The following SYNE2 variants were observed in gnomAD, a reference collection of about 807,000 sequenced individuals.
SYNE2 encodes nesprin-2.
Under a neutral mutation model 856.3 loss-of-function variants are expected in SYNE2, and 431 were observed. The observed-to-expected ratio is 0.50, with a 90% confidence interval of 0.47 to 0.55. SYNE2 has a LOEUF of 0.55. Among genes scored for constraint, SYNE2 ranks in the 20% least tolerant of loss-of-function variants. The probability of loss-of-function intolerance (pLI) is 0.00; values close to 1 mark genes in which losing one functional copy is unlikely to be tolerated. For missense variants in SYNE2, 8,129 were observed against 8,023.2 expected, an observed-to-expected ratio of 1.01 and a Z score of -0.50; for synonymous variants, 2,923 against 2,872.3, an observed-to-expected ratio of 1.02 and a Z score of -0.56.
intron 84 of SYNE2, among the ~76,000 whole-genome samples, chr14:64,149,562 A>G (rs908824098): frequency 1.3e-5 from 2 of 152,216 alleles, no homozygotes; most frequent in African/African-American, 4.8e-5. Context: ...GTATAGTTGA[A>G]TAGAGTGGGG....
chr14:64,138,463 G>A (rs1279077671), intron 79 of SYNE2, among the ~76,000 whole-genome samples: 1 of 152,030 alleles, frequency 6.6e-6, no homozygotes, highest in Non-Finnish European at 1.5e-5. Flanking sequence ...CAAGCTCCTA[G>A]CCTCAAGCAG....
chr14:63,936,299 A>G lies in SYNE2; in HGVS notation c.80-4315A>G, dbSNP rs113536139. ...GTGTTGTGGTGCGTAAATTCTGTTG[A>G]GAGGAGAGTGAGACATTAACAATAA... is the stretch of plus-strand genomic sequence containing the variant. On this transcript the variant is annotated intron_variant, in intron 2 of 115. Transcript: ENST00000555002. Among the ~76,000 whole-genome samples, 12 of 152,306 alleles carry G rather than the reference A, an allele frequency of 7.9e-5. 1 individual carries two copies. The highest frequency in any genetic ancestry group is 2.4e-4 in the African/African-American group (10 of 41,572).
chr14:64,051,982 T>A lies in SYNE2; in HGVS notation c.8069T>A (p.Met2690Lys). 6.2e-7 allele frequency: 1 copy of A among 1,613,980 alleles called. No homozygotes were observed. Among genetic ancestry groups the A allele is most frequent in the Non-Finnish European group, 8.5e-7 (1 of 1,180,040 alleles). Residue 2690 changes from methionine (M) to lysine (K), a missense_variant, in exon 48 of 116, where the codon ATG (methionine) becomes AAG (lysine). Around this residue, in one of 3 missense-constraint regions of SYNE2, gnomAD observed 5,410 missense variants for 5,284.8 expected, o/e 1.02. Coordinates refer to ENST00000555002, the MANE Select transcript of SYNE2 (RefSeq NM_182914.3). The part of the protein sequence containing the change: ...SVLKGQAELQ[M>K]KRIWGEKEKK... ...TTAAAGGGGCAAGCTGAACTTCAGA[T>A]GAAGAGGATTTGGGGAGAAAAAGAA... is the stretch of plus-strand genomic sequence containing the variant.
intron 1 of SYNE2, among the ~76,000 whole-genome samples, chr14:63,778,273 C>T (rs2139727551): frequency 6.6e-6 from 1 of 152,270 alleles, no homozygotes; most frequent in Non-Finnish European, 1.5e-5. Flanking sequence ...CTTCCCCTTC[C>T]TCTGCAATTG....
chr14:63,984,014 G>A (rs1854506764), intron 18 of SYNE2, 128 bp downstream of exon 18: 2 of 666,256 alleles, frequency 3.0e-6, no homozygotes, highest in Non-Finnish European at 5.0e-6. Flanking sequence ...GGACAAAACA[G>A]GTGGATGGCT....
At chr14:64,219,546 C>T in intron 110 of SYNE2, 136 bp downstream of exon 110, 4 of 858,730 alleles carry the variant, frequency 4.7e-6, no homozygotes, top group Non-Finnish European at 7.6e-6. Flanking sequence ...CACTCTCTTC[C>T]ATTTCAGTTC....
At chr14:64,045,519 T>C (rs2097179792) in intron 45 of SYNE2, among the ~76,000 whole-genome samples, 1 of 152,148 alleles carries the variant, frequency 6.6e-6, no homozygotes, top group Non-Finnish European at 1.5e-5. Flanking sequence ...TAGGACTGGC[T>C]CATAGGCAGA....
intron 8 of SYNE2, among the ~76,000 whole-genome samples, chr14:63,955,854 G>A (rs1168006001): frequency 6.6e-6 from 1 of 152,044 alleles, no homozygotes; most frequent in Non-Finnish European, 1.5e-5. Flanking sequence ...ACTAACTTAG[G>A]GTTGTATTTG....
chr14:64,034,707 T>C, intron 45 of SYNE2: 1 of 433,370 alleles, frequency 2.3e-6, no homozygotes, highest in Non-Finnish European at 4.1e-6. Context: ...TTTGTGCTTA[T>C]GATTCAATAC....
intron 32 of SYNE2, among the ~76,000 whole-genome samples, chr14:64,014,974 T>TACACACACACACAC (rs1162341254): frequency 1.4e-4 from 12 of 84,884 alleles, no homozygotes; most frequent in African/African-American, 5.1e-4. Flanking sequence ...TATATATATA[T>TACACACACACACAC]ACACACACAC....
At chr14:63,875,691 T>C (rs542566433) in intron 1 of SYNE2, among the ~76,000 whole-genome samples, 1 of 152,194 alleles carries the variant, frequency 6.6e-6, no homozygotes, top group East Asian at 1.9e-4. Context: ...CCTCAGCCAG[T>C]CATGGGGGGA....
At position 63,853,527 on chromosome 14, in the gene SYNE2, A is replaced by AGGCCCC. The variant is rs1194960752; in HGVS notation, c.-52+390_-52+395dup. 6.6e-5 allele frequency among the ~76,000 whole-genome samples: 10 copies of AGGCCCC among 151,400 alleles called. No individual in the cohort carries two copies. In the East Asian group the frequency reaches 7.9e-4, roughly 12 times the overall value. On this transcript the variant is annotated intron_variant, in intron 1 of 115. Coordinates refer to ENST00000555002, the MANE Select transcript of SYNE2 (RefSeq NM_182914.3). ...GCCCCGGCCGCCCCCTCCCGGGCCC[A>AGGCCCC]GGCCCCGGCCCTCGGGGGCCGCTGA...
intron 45 of SYNE2, among the ~76,000 whole-genome samples, chr14:64,040,102 C>T (rs2097135947): frequency 6.6e-6 from 1 of 152,152 alleles, no homozygotes; most frequent in South Asian, 2.1e-4. Flanking sequence ...TCTAATCTGT[C>T]TGTCTATCTA....
chr14:63,803,786 G>A lies in SYNE2; in HGVS notation c.-305+41800G>A, dbSNP rs372486626. Among the ~76,000 whole-genome samples the A allele has an allele frequency of 2.6e-4, 39 of 152,336 alleles. 1 individual carries two copies. Among genetic ancestry groups the A allele is most frequent in the African/African-American group, 9.1e-4 (38 of 41,578 alleles). On this transcript the variant is annotated intron_variant, in intron 1 of 23. Coordinates refer to the SYNE2 transcript ENST00000674003. The stretch of plus-strand genomic sequence containing the variant: ...CCCAGGCAGAGGAGGTGCCGAGAGC[G>A]AGCGAGGACTGTGAGGACTGCCAGC...
intron 83 of SYNE2, among the ~76,000 whole-genome samples, chr14:64,145,029 C>G (rs1320018772): frequency 1.3e-5 from 2 of 150,162 alleles, no homozygotes; most frequent in Non-Finnish European, 2.9e-5. Flanking sequence ...CAGATTCATG[C>G]AATTCTCCTG....
At position 64,214,603 on chromosome 14, in the gene SYNE2, C is replaced by T; in HGVS notation, c.19333+133C>T. The stretch of plus-strand genomic sequence containing the variant: ...ACCCTGACTTCTGTGGTTTCCTGTG[C>T]TCTATCCTGCCCATCTCTTAACTTA... On this transcript the variant is annotated intron_variant, in intron 106 of 115. Transcript: ENST00000555002. The T allele has an allele frequency of 2.4e-6, 2 of 844,626 alleles. 1 individual carries two copies. The allele number at this position is 844,626 out of a possible 1,614,324, so 52.3% of individuals were successfully genotyped here.
chr14:63,920,307 C>T (rs1208181514), intron 2 of SYNE2, among the ~76,000 whole-genome samples: 1 of 151,308 alleles, frequency 6.6e-6, no homozygotes, highest in Non-Finnish European at 1.5e-5. Flanking sequence ...GAGGAAGGCT[C>T]CCCAGAGAAA....
chr14:63,779,851 C>T (rs745909292), intron 1 of SYNE2, among the ~76,000 whole-genome samples: 2 of 151,668 alleles, frequency 1.3e-5, no homozygotes, highest in Admixed American at 6.6e-5. Context: ...TGAACTGGGG[C>T]GGGGTGAGCA....
Position 63,926,233 on chromosome 14 carries a change from C to G in SYNE2, c.80-14381C>G, listed in dbSNP as rs746900248. Among the ~76,000 whole-genome samples, 12 of 151,740 alleles carry G rather than the reference C, an allele frequency of 7.9e-5. No homozygotes were observed. The South Asian group carries it at 1.0e-3, about 13-fold the overall frequency. On this transcript the variant is annotated intron_variant, in intron 2 of 115. Coordinates refer to ENST00000555002, the MANE Select transcript of SYNE2 (RefSeq NM_182914.3). The stretch of plus-strand genomic sequence containing the variant: ...CCAATCCCACCCCCATCTCCACCTC[C>G]AATCTCACCCCCAGCCCTAGGCAAT...
Sources: gnomAD v4.1 joint callset for allele counts (sites outside exome capture counted in the v4.1 genomes callset) on GRCh38, gnomAD v4.1.1 for gene constraint, gnomAD v4.1.1 regional missense constraint, MANE v1.5 for transcripts, NCBI Gene and HGNC (gene_info 2026-07-23, HGNC 2026-07-21) for gene names.